Variants in CNR2 observed in about 807,000 individuals in gnomAD.
CNR2 encodes cannabinoid receptor 2.
For synonymous variants in CNR2, 172 were observed against 182.2 expected (o/e 0.94, Z 0.45); for missense variants, 379 against 439.9 (o/e 0.86, Z 1.24).
At chr1:23,896,765 G>C (rs759619899) in intron 1 of CNR2, among the ~76,000 whole-genome samples, 5 of 152,156 alleles carry the variant, frequency 3.3e-5, no homozygotes, top group Admixed American at 2.0e-4. Flanking sequence ...GTCATGACGA[G>C]AGCCCTGGAT....
chr1:23,893,902 T>C (rs1640233067), intron 1 of CNR2, among the ~76,000 whole-genome samples: 1 of 151,882 alleles, frequency 6.6e-6, no homozygotes, highest in South Asian at 2.1e-4. Context: ...GGTGGGCAGA[T>C]CACTTGAGCC....
At chr1:23,888,463 G>A (rs1292466519) in intron 1 of CNR2, among the ~76,000 whole-genome samples, 1 of 152,174 alleles carries the variant, frequency 6.6e-6, no homozygotes, top group East Asian at 1.9e-4. Context: ...TTGGATGGGA[G>A]TATCGGTCCT....
At chr1:23,909,297 A>T (rs1640546813) in intron 1 of CNR2, among the ~76,000 whole-genome samples, 1 of 151,800 alleles carries the variant, frequency 6.6e-6, no homozygotes, top group Non-Finnish European at 1.5e-5. Flanking sequence ...TCCCCAGGAG[A>T]TGGAGGGAAA....
chr1:23,889,837 C>G (rs1640154752), intron 1 of CNR2, among the ~76,000 whole-genome samples: 1 of 152,196 alleles, frequency 6.6e-6, no homozygotes, highest in African/African-American at 2.4e-5. Context: ...CACTTGTAAA[C>G]TGGGAGAAAT....
At chr1:23,885,268 TA>T (rs55868105) in intron 1 of CNR2, among the ~76,000 whole-genome samples, 2 of 143,314 alleles carry the variant, frequency 1.4e-5, no homozygotes, top group Non-Finnish European at 3.1e-5. Context: ...ACCATCTCCT[TA>T]AAAAAAAAAA....
intron 1 of CNR2, among the ~76,000 whole-genome samples, chr1:23,901,167 G>A (rs1442726935): frequency 6.6e-6 from 1 of 152,124 alleles, no homozygotes; most frequent in Non-Finnish European, 1.5e-5. Flanking sequence ...GAGGGTGGCA[G>A]GAACATGCAA....
chr1:23,913,039 C>T (rs951868036), intron 1 of CNR2, among the ~76,000 whole-genome samples: 11 of 152,180 alleles, frequency 7.2e-5, no homozygotes, highest in Non-Finnish European at 1.5e-4. Context: ...CAGTAGTGCA[C>T]ACCTGTAATC....
rs543568920 is a variant in CNR2 at position 23,902,775 on chromosome 1, C to T, written c.-46+10471G>A. ...TTGGGGCTCTCCGGGTGGTTGTTGC[C>T]AAGTGTGGGCTGCGCGGGCGCGGGC... is the stretch of plus-strand genomic sequence containing the variant. On this transcript the variant is annotated intron_variant, in intron 1 of 1. Transcript: ENST00000374472. 1.2e-5 allele frequency: 18 copies of T among 1,475,592 alleles called. No homozygotes were observed. The African/African-American group carries it at 2.1e-4, about 17-fold the overall frequency. 91.4% of individuals were successfully genotyped at this position (1,475,592 alleles called of 1,614,324 possible). A position where few individuals can be genotyped will look rare whatever the true frequency, so the allele number is the denominator to read the frequency against.
intron 1 of CNR2, among the ~76,000 whole-genome samples, chr1:23,882,386 A>C (rs995709232): frequency 1.3e-5 from 2 of 152,158 alleles, no homozygotes; most frequent in African/African-American, 4.8e-5. Flanking sequence ...ACTTTTGAAC[A>C]ATTCCTGGGT....
chr1:23,901,613 CT>C, intron 1 of CNR2: 5 of 1,601,426 alleles, frequency 3.1e-6, no homozygotes. Flanking sequence ...GCTGAGGTTG[CT>C]GCCGTCCAGA....
rs754278972 is a variant in CNR2, at chr1:23,881,475, C to G, written c.-45-5813G>C. 6.6e-5 allele frequency among the ~76,000 whole-genome samples: 10 copies of G among 151,626 alleles called. 1 individual carries two copies. Among genetic ancestry groups the G allele is most frequent in the Non-Finnish European group, 8.8e-5 (6 of 67,970 alleles). On this transcript the variant is annotated intron_variant, in intron 1 of 1. Transcript: ENST00000374472. Reference sequence around the variant, plus strand: ...AGGCCTGGTGGTGCACACCTGTAATCCCAGCTACTGAGGTGGTTGAGGCAG... The same window carrying G: ...AGGCCTGGTGGTGCACACCTGTAATGCCAGCTACTGAGGTGGTTGAGGCAG...
chr1:23,882,485 C>T (rs998701169), intron 1 of CNR2, among the ~76,000 whole-genome samples: 117 of 152,126 alleles, frequency 7.7e-4, no homozygotes, highest in East Asian at 3.9e-4. Flanking sequence ...TCATCTGAGT[C>T]GTATGCAAAG....
At chr1:23,898,337 T>C (rs1331600485) in intron 1 of CNR2, among the ~76,000 whole-genome samples, 6 of 444 alleles carry the variant, frequency 0.014, no homozygotes, top group African/African-American at 0.041. Context: ...GCGCCCGGCT[T>C]TTTTTTTTTT....
At chr1:23,902,556 A>G (rs1266746878) in intron 1 of CNR2, 11 of 1,608,350 alleles carry the variant, frequency 6.8e-6, no homozygotes, top group Non-Finnish European at 9.4e-6. Context: ...TGGAATGTGA[A>G]TTTCAGATTT....
intron 1 of CNR2, among the ~76,000 whole-genome samples, chr1:23,881,087 C>A (rs907791550): frequency 3.3e-5 from 5 of 151,252 alleles, no homozygotes; most frequent in Non-Finnish European, 7.4e-5. Context: ...ACCAGCCTGG[C>A]CAACATGGTG....
chr1:23,911,042 G>A (rs1032460613), intron 1 of CNR2, among the ~76,000 whole-genome samples: 2 of 151,886 alleles, frequency 1.3e-5, no homozygotes, highest in South Asian at 2.1e-4. Flanking sequence ...TTTGTGTCTC[G>A]TGGCTCGGGG....
rs751752206 is a variant in CNR2 at position 23,875,552 on chromosome 1, C to T, written c.66G>A (p.Met22Ile). 1.1e-5 allele frequency: 18 copies of T among 1,613,676 alleles called. No homozygotes were observed. Among genetic ancestry groups the T allele is most frequent in the Admixed American group, 1.7e-5 (1 of 59,980 alleles). Residue 22 changes from methionine (M) to isoleucine (I), a missense_variant, in exon 2 of 2, where the codon ATG becomes ATA. Coordinates refer to ENST00000374472, the MANE Select transcript of CNR2 (RefSeq NM_001841.3). ...GSKDGLDSNPMKDYMILSGPQ... is the reference protein window; with the variant it reads ...GSKDGLDSNPIKDYMILSGPQ... The stretch of plus-strand genomic sequence containing the variant: ...GACCACTCAGGATCATGTAATCCTT[C>T]ATAGGGTTGGAATCCAAGCCATCCT...
intron 1 of CNR2, chr1:23,901,467 C>T: frequency 1.9e-6 from 3 of 1,540,718 alleles, no homozygotes; most frequent in Non-Finnish European, 2.6e-6. Context: ...CCTCCCCGGG[C>T]ACCTCAGGCA....
At chr1:23,881,321 G>T (rs1639984058) in intron 1 of CNR2, among the ~76,000 whole-genome samples, 1 of 152,000 alleles carries the variant, frequency 6.6e-6, no homozygotes, top group Non-Finnish European at 1.5e-5. Flanking sequence ...TACTGGTTGG[G>T]CATGGTGGCT....
Sources: allele counts gnomAD v4.1 joint callset (sites outside exome capture counted in the v4.1 genomes callset), GRCh38; gene constraint gnomAD v4.1.1; transcripts MANE v1.5; gene names NCBI Gene and HGNC (gene_info 2026-07-23, HGNC 2026-07-21).